Variants in NLGN1 observed in about 807,000 individuals in gnomAD.
NLGN1 encodes neuroligin-1.
Under a neutral mutation model 65.5 loss-of-function variants are expected in NLGN1, and 12 were observed. That is an observed-to-expected ratio of 0.18 (90% CI 0.12 to 0.30). The LOEUF (loss-of-function observed/expected upper bound fraction) is 0.30. NLGN1 is among the 10% of genes least tolerant of loss of function. NLGN1 has a pLI of 1.00. For synonymous variants in NLGN1, 350 were observed against 359.5 expected (o/e 0.97, Z 0.30); for missense variants, 750 against 1,007.1 (o/e 0.74, Z 3.46).
intron 2 of NLGN1, among the ~76,000 whole-genome samples, chr3:173,578,393 A>G (rs903883317): frequency 2.6e-5 from 4 of 151,956 alleles, no homozygotes; most frequent in African/African-American, 9.7e-5. Flanking sequence ...ACTTTTAATT[A>G]TGTAATTAGC....
intron 3 of NLGN1, among the ~76,000 whole-genome samples, chr3:173,672,231 G>C (rs929482905): frequency 1.3e-5 from 2 of 152,140 alleles, no homozygotes; most frequent in African/African-American, 4.8e-5. Context: ...ACCTGTAGTC[G>C]TGAAGCTATA....
At chr3:173,728,020 T>G (rs1046611875) in intron 3 of NLGN1, among the ~76,000 whole-genome samples, 1 of 152,084 alleles carries the variant, frequency 6.6e-6, no homozygotes, top group South Asian at 2.1e-4. Context: ...CATTGATGGC[T>G]TGGGGAATAT....
intron 2 of NLGN1, among the ~76,000 whole-genome samples, chr3:173,600,202 C>CACACACAT (rs1577468114): frequency 1.4e-5 from 2 of 147,646 alleles, no homozygotes; most frequent in East Asian, 4.2e-4. Flanking sequence ...CATGTGTGTA[C>CACACACAT]ACACACACAC....
At chr3:173,804,357 A>T (rs1716147094) in intron 3 of NLGN1, among the ~76,000 whole-genome samples, 1 of 152,108 alleles carries the variant, frequency 6.6e-6, no homozygotes. Context: ...GGCAAAGTAA[A>T]AAATCTTAAG....
chr3:174,049,584 G>A (rs921069019), intron 4 of NLGN1, among the ~76,000 whole-genome samples: 2 of 152,016 alleles, frequency 1.3e-5, no homozygotes, highest in Non-Finnish European at 2.9e-5. Context: ...TGGACCCTAA[G>A]GCTAATTCCC....
chr3:173,797,815 A>G (rs981431346), intron 3 of NLGN1, among the ~76,000 whole-genome samples: 7 of 152,108 alleles, frequency 4.6e-5, no homozygotes, highest in Admixed American at 1.3e-4. Context: ...TCAACTAGCA[A>G]CTGAGAGCCA....
At chr3:173,498,342 A>G (rs1730389250) in intron 2 of NLGN1, among the ~76,000 whole-genome samples, 1 of 151,650 alleles carries the variant, frequency 6.6e-6, no homozygotes, top group South Asian at 2.1e-4. Context: ...GCTGAGAATG[A>G]TGGTTTCCAG....
rs560042042 is a variant in NLGN1, at chr3:174,019,772, T to C, written c.646+211940T>C. Among the ~76,000 whole-genome samples the C allele has an allele frequency of 2.0e-5, 3 of 152,258 alleles. No individual in the cohort carries two copies. The South Asian group carries it at 6.2e-4, about 32-fold the overall frequency. On this transcript the variant is annotated intron_variant, in intron 4 of 6. Coordinates refer to ENST00000457714, the Ensembl canonical transcript of NLGN1. ...TGGTTACTTTTTATAAAGGGCTTTA[T>C]TTTCTCTTAGCATTTGGTTTGCATA...
At chr3:173,913,479 C>G (rs1740060986) in intron 4 of NLGN1, among the ~76,000 whole-genome samples, 1 of 152,142 alleles carries the variant, frequency 6.6e-6, no homozygotes, top group Admixed American at 6.6e-5. Flanking sequence ...GGCAGTTGAG[C>G]AGTTCACTGA....
intron 3 of NLGN1, among the ~76,000 whole-genome samples, chr3:173,762,573 G>C (rs1383302824): frequency 6.6e-6 from 1 of 151,936 alleles, no homozygotes; most frequent in Non-Finnish European, 1.5e-5. Flanking sequence ...ACTAAAAAGA[G>C]ACTGTTTTAT....
At chr3:173,636,406 G>T (rs1756602651) in intron 3 of NLGN1, among the ~76,000 whole-genome samples, 1 of 152,142 alleles carries the variant, frequency 6.6e-6, no homozygotes, top group Non-Finnish European at 1.5e-5. Context: ...TACAGATTAG[G>T]AAACCGAGGT....
In NLGN1 at chr3:174,123,234, C is replaced by T. The variant is rs74735295; in HGVS notation, c.647-152081C>T. 3.4e-3 allele frequency among the ~76,000 whole-genome samples: 522 copies of T among 152,210 alleles called. 3 individuals are homozygous for T. Among genetic ancestry groups the T allele is most frequent in the Middle Eastern group, 3.4e-3 (1 of 294 alleles). On this transcript the variant is annotated intron_variant, in intron 4 of 6. Transcript: ENST00000457714. ...TGCATGCAGGTTTTGGAGATGAAAA[C>T]CAGTGACAAAGGCAGAAAAATTAAT...
At chr3:173,694,530 AAAG>A (rs1046453594) in intron 3 of NLGN1, among the ~76,000 whole-genome samples, 2 of 152,196 alleles carry the variant, frequency 1.3e-5, no homozygotes, top group African/African-American at 4.8e-5. Flanking sequence ...TGTGTGATAA[AAAG>A]AAGCAAAACT....
At chr3:173,723,326 A>AC (rs1771175815) in intron 3 of NLGN1, among the ~76,000 whole-genome samples, 2 of 152,210 alleles carry the variant, frequency 1.3e-5, no homozygotes, top group Non-Finnish European at 2.9e-5. Context: ...AGGAACAAAA[A>AC]CTGCCCTGAA....
chr3:173,526,610 A>G (rs1005200584), intron 2 of NLGN1, among the ~76,000 whole-genome samples: 2 of 152,090 alleles, frequency 1.3e-5, no homozygotes, highest in African/African-American at 2.4e-5. Flanking sequence ...AAACAATCCA[A>G]TTATACTCTT....
intron 2 of NLGN1, among the ~76,000 whole-genome samples, chr3:173,486,115 G>A (rs891876737): frequency 1.3e-5 from 2 of 152,060 alleles, no homozygotes; most frequent in Non-Finnish European, 2.9e-5. Flanking sequence ...CGTGATCTTG[G>A]CTCACTGCAA....
intron 4 of NLGN1, among the ~76,000 whole-genome samples, chr3:174,169,683 T>C (rs1728165524): frequency 1.3e-5 from 2 of 151,834 alleles, no homozygotes; most frequent in Admixed American, 1.3e-4. Context: ...GGAGACAGAG[T>C]GGGGCACCCA....
chr3:173,599,602 A>T lies in NLGN1; in HGVS notation c.-320-4677A>T, dbSNP rs144652101. On this transcript the variant is annotated intron_variant, in intron 2 of 6. Transcript: ENST00000457714. ...ATTATTAAATTACCTTATTTGTTAA[A>T]TTAGTATTACTAAGTCCATTTTTAT... Among the ~76,000 whole-genome samples the T allele has an allele frequency of 2.9e-3, 434 of 152,254 alleles. 1 individual carries two copies. Among genetic ancestry groups the T allele is most frequent in the African/African-American group, 0.01 (420 of 41,566 alleles).
At chr3:173,609,038 T>G (rs1043131032) in intron 3 of NLGN1, among the ~76,000 whole-genome samples, 2 of 151,974 alleles carry the variant, frequency 1.3e-5, no homozygotes, top group African/African-American at 4.8e-5. Flanking sequence ...TAAGTTTCCC[T>G]CTGTTTCTTT....
Sources: allele counts gnomAD v4.1 joint callset (sites outside exome capture counted in the v4.1 genomes callset), GRCh38; gene constraint gnomAD v4.1.1; transcripts MANE v1.5; gene names NCBI Gene and HGNC (gene_info 2026-07-23, HGNC 2026-07-21).